The following NFATC2 variants were observed in gnomAD, a reference collection of about 807,000 sequenced individuals.
NFATC2 encodes nuclear factor of activated T-cells, cytoplasmic 2.
In NFATC2, 22 loss-of-function variants were observed where a neutral mutation model predicts 87.3. The ratio of observed to expected loss-of-function variants is 0.25; its 90% CI spans 0.18 to 0.36. The LOEUF is 0.36. NFATC2 is among the 10% of genes least tolerant of loss of function. The probability of loss-of-function intolerance (pLI) is 1.00; values close to 1 mark genes in which losing one functional copy is unlikely to be tolerated. For missense variants in NFATC2, 1,149 were observed against 1,259.1 expected (o/e 0.91, Z 1.32); for synonymous variants, 565 against 542.2 (o/e 1.04, Z -0.58).
intron 6 of NFATC2, among the ~76,000 whole-genome samples, chr20:51,444,818 C>T (rs938851423): frequency 6.6e-6 from 1 of 152,046 alleles, no homozygotes; most frequent in Non-Finnish European, 1.5e-5. Flanking sequence ...GCCCAGCAGA[C>T]AGGGGTGGGG....
At chr20:51,557,813 C>T (rs2076991157) in intron 1 of NFATC2, among the ~76,000 whole-genome samples, 1 of 152,178 alleles carries the variant, frequency 6.6e-6, no homozygotes, top group East Asian at 1.9e-4. Context: ...CTACTAAGTG[C>T]CAGGCACTCT....
chr20:51,429,268 C>T (rs988766294), intron 9 of NFATC2, among the ~76,000 whole-genome samples: 2 of 152,328 alleles, frequency 1.3e-5, no homozygotes, highest in East Asian at 1.9e-4. Context: ...CCACTGGGCA[C>T]GAGCCACCAG....
rs759450835 is a variant in NFATC2, at chr20:51,435,174, GA to G, written c.2032+13del. 2 of 1,613,810 alleles carry G rather than the reference GA, an allele frequency of 1.2e-6. No homozygotes were observed. The highest frequency in any genetic ancestry group is 2.2e-5 in the South Asian group (2 of 91,032). ...CCTCTCAATAACAAAGGGGTCATCA[GA>G]AACACTCCTTACCTGGGTGGTAGGT... is the stretch of plus-strand genomic sequence containing the variant. On this transcript the variant is annotated intron_variant, in intron 8 of 10. Coordinates refer to ENST00000371564, the MANE Select transcript of NFATC2 (RefSeq NM_012340.5).
chr20:51,403,115 T>C (rs1444208039), intron 9 of NFATC2, among the ~76,000 whole-genome samples: 2 of 152,234 alleles, frequency 1.3e-5, no homozygotes, highest in Admixed American at 1.3e-4. Flanking sequence ...GAGGCATCCC[T>C]GGCCATGTCA....
Position 51,432,245 on chromosome 20 carries a change from C to G in NFATC2, c.2544G>C (p.Pro848=), listed in dbSNP as rs546062557. 3 of 1,614,104 alleles carry G rather than the reference C, an allele frequency of 1.9e-6. No homozygotes were observed. The highest frequency in any genetic ancestry group is 1.7e-5 in the Admixed American group (1 of 60,016). ...APGTTRPGPP[P]VSQGQRLSPG... ...GGCTCAGCCTCTGACCTTGACTGACCGGGGGCGGGCCAGGTCTGGTGGTGC... is the reference window on the plus strand; with the variant it reads ...GGCTCAGCCTCTGACCTTGACTGACGGGGGGCGGGCCAGGTCTGGTGGTGC... The change falls in exon 9 of 11, where the codon CCG becomes CCC. Residue 848 remains proline, a synonymous_variant. Coordinates refer to ENST00000371564, the MANE Select transcript of NFATC2 (RefSeq NM_012340.5). The surrounding 1 kb of genome is among the most constrained non-coding windows in gnomAD (Gnocchi z 4.6).
intron 6 of NFATC2, among the ~76,000 whole-genome samples, chr20:51,446,761 G>A (rs771722691): frequency 5.3e-5 from 8 of 152,222 alleles, no homozygotes; most frequent in Non-Finnish European, 1.2e-4. Context: ...AATCTGGATC[G>A]CATCTTTGGA....
chr20:51,406,968 C>G (rs1978405033), intron 9 of NFATC2, among the ~76,000 whole-genome samples: 1 of 152,208 alleles, frequency 6.6e-6, no homozygotes, highest in Admixed American at 6.5e-5. Flanking sequence ...AGGGATCCCA[C>G]TTGGCCTTTA....
chr20:51,553,020 T>C (rs537983162), intron 1 of NFATC2, among the ~76,000 whole-genome samples: 112 of 152,118 alleles, frequency 7.4e-4, no homozygotes, highest in Admixed American at 2.0e-3. Context: ...CCTGTGTCCA[T>C]GTCGAACTAA....
At chr20:51,556,651 G>A (rs2076980769) in intron 1 of NFATC2, among the ~76,000 whole-genome samples, 1 of 152,202 alleles carries the variant, frequency 6.6e-6, no homozygotes, top group African/African-American at 2.4e-5. Flanking sequence ...TGAAGGAAAG[G>A]AGAGAAACCC....
rs534936366 is a variant in NFATC2 at position 51,424,468 on chromosome 20, G to A, written c.2722+7599C>T. Among the ~76,000 whole-genome samples the A allele has an allele frequency of 7.9e-5, 12 of 152,280 alleles. No homozygotes were observed. In the South Asian group the frequency reaches 2.5e-3, roughly 32 times the overall value. On this transcript the variant is annotated intron_variant, in intron 9 of 10. Coordinates refer to ENST00000371564, the MANE Select transcript of NFATC2 (RefSeq NM_012340.5). ...ACCCTCACCGTGCGCGTCTGGTACT[G>A]GGCAAAGAGCTTTACAGGACGCCCC...
At chr20:51,477,560 TATATATATATATATATATATAA>T (rs982115063) in intron 3 of NFATC2, among the ~76,000 whole-genome samples, 22 of 123,198 alleles carry the variant, frequency 1.8e-4, no homozygotes, top group Non-Finnish European at 3.4e-4. Context: ...TATATATATA[TATATATATATATATATATATAA>T]AATAACAAGA....
In NFATC2 at chr20:51,449,316, A is replaced by G. The variant is rs147245008; in HGVS notation, c.1849+5232T>C. 1.5e-4 allele frequency among the ~76,000 whole-genome samples: 23 copies of G among 152,292 alleles called. No individual in the cohort carries two copies. The East Asian group carries it at 4.0e-3, about 27-fold the overall frequency. On this transcript the variant is annotated intron_variant, in intron 6 of 10. Coordinates refer to ENST00000371564, the MANE Select transcript of NFATC2 (RefSeq NM_012340.5). The stretch of plus-strand genomic sequence containing the variant: ...GCTGGGAGGTGAGCTCTTGAGGTCA[A>G]AAGAGCAGGACCAGCAAATGCAAGG...
intron 9 of NFATC2, among the ~76,000 whole-genome samples, chr20:51,400,488 G>GCTAT (rs773297322): frequency 1.3e-5 from 2 of 151,898 alleles, no homozygotes; most frequent in Admixed American, 1.3e-4. Context: ...GCACAATGGC[G>GCTAT]CTATCTCAGG....
At position 51,500,524 on chromosome 20, in the gene NFATC2, C is replaced by T. The variant is rs541248680; in HGVS notation, c.1332+16260G>A. ...GTAGGAGGGAACTTACAGAGCCCTA[C>T]CCACTCGTTTTAGGGCAGAGGCTCC... On this transcript the variant is annotated intron_variant, in intron 3 of 10. Coordinates refer to ENST00000371564, the MANE Select transcript of NFATC2 (RefSeq NM_012340.5). Among the ~76,000 whole-genome samples, 212 of 151,730 alleles carry T rather than the reference C, an allele frequency of 1.4e-3. 1 individual carries two copies. Among genetic ancestry groups the T allele is most frequent in the African/African-American group, 4.8e-3 (197 of 41,330 alleles).
At chr20:51,459,842 A>T (rs1986961898) in intron 5 of NFATC2, among the ~76,000 whole-genome samples, 4 of 152,128 alleles carry the variant, frequency 2.6e-5, no homozygotes, top group Admixed American at 2.6e-4. Context: ...TCACGCTACT[A>T]CACTCCAGGC....
intron 6 of NFATC2, among the ~76,000 whole-genome samples, chr20:51,437,177 T>C (rs1258474336): frequency 6.6e-6 from 1 of 151,806 alleles, no homozygotes; most frequent in Non-Finnish European, 1.5e-5. Context: ...CCACCTATAC[T>C]GGTCATTGGT....
chr20:51,555,390 G>A (rs530416382), intron 1 of NFATC2, among the ~76,000 whole-genome samples: 11 of 152,000 alleles, frequency 7.2e-5, no homozygotes, highest in African/African-American at 1.9e-4. Context: ...TCAGGAGATC[G>A]AGACCATCCT....
At chr20:51,531,612 C>A (rs1442873234) in intron 1 of NFATC2, among the ~76,000 whole-genome samples, 1 of 152,180 alleles carries the variant, frequency 6.6e-6, no homozygotes, top group African/African-American at 2.4e-5. Context: ...CTCCCACCCC[C>A]GGCTGTGAGA....
chr20:51,509,280 TAA>T (rs11468777), intron 3 of NFATC2, among the ~76,000 whole-genome samples: 125,383 of 151,972 alleles, frequency 0.83, 52,052 homozygotes, highest in African/African-American at 0.9. Context: ...ACATACTATT[TAA>T]AATTTTCCTA....
Sources: allele counts gnomAD v4.1 joint callset (sites outside exome capture counted in the v4.1 genomes callset), GRCh38; gene constraint gnomAD v4.1.1; non-coding constraint Gnocchi (gnomAD v3.1); transcripts MANE v1.5; gene names NCBI Gene and HGNC (gene_info 2026-07-23, HGNC 2026-07-21).